The following DIAPH3 variants were observed in gnomAD, a reference collection of about 807,000 sequenced individuals.
The protein encoded by DIAPH3 is protein diaphanous homolog 3.
Under a neutral mutation model 144.3 loss-of-function variants are expected in DIAPH3, and 117 were observed. That is an observed-to-expected ratio of 0.81 (90% confidence interval 0.70 to 0.95). The LOEUF is 0.95. DIAPH3 is among the 40% of genes least tolerant of loss of function. The pLI, the probability that DIAPH3 is intolerant of heterozygous loss-of-function variation, is 0.00. For synonymous variants in DIAPH3, 519 were observed against 488.9 expected (o/e 1.06, Z -0.81); for missense variants, 1,421 against 1,412.7 (o/e 1.01, Z -0.09).
intron 5 of DIAPH3, among the ~76,000 whole-genome samples, chr13:60,037,297 A>T (rs2055299219): frequency 6.6e-6 from 1 of 152,072 alleles, no homozygotes; most frequent in South Asian, 2.1e-4. Flanking sequence ...AAAATCAAAA[A>T]GAATGATGTG....
chr13:60,105,748 T>C (rs1178483677), intron 3 of DIAPH3, among the ~76,000 whole-genome samples: 1 of 152,126 alleles, frequency 6.6e-6, no homozygotes, highest in Non-Finnish European at 1.5e-5. Context: ...TTGTAAGAAA[T>C]AGAAAATGTT....
At chr13:59,921,058 C>T (rs907968361) in intron 18 of DIAPH3, among the ~76,000 whole-genome samples, 1 of 150,020 alleles carries the variant, frequency 6.7e-6, no homozygotes, top group Admixed American at 6.6e-5. Context: ...AAAAGGGAAA[C>T]ACAACATACC....
At chr13:60,162,297 A>G (rs1952328061) in intron 1 of DIAPH3, among the ~76,000 whole-genome samples, 1 of 152,330 alleles carries the variant, frequency 6.6e-6, no homozygotes, top group East Asian at 1.9e-4. Flanking sequence ...TGAGTCACAG[A>G]AAATAACACC....
At chr13:60,070,577 C>T (rs950386895) in intron 4 of DIAPH3, among the ~76,000 whole-genome samples, 1 of 152,046 alleles carries the variant, frequency 6.6e-6, no homozygotes, top group Non-Finnish European at 1.5e-5. Context: ...GAGAAAATGC[C>T]CTGGCATCGG....
intron 20 of DIAPH3, among the ~76,000 whole-genome samples, chr13:59,899,632 G>A (rs1391988309): frequency 6.6e-6 from 1 of 152,158 alleles, no homozygotes. Flanking sequence ...CAAGAATTCT[G>A]GACTTTCCTC....
chr13:59,712,346 T>C (rs2034794617), intron 27 of DIAPH3, among the ~76,000 whole-genome samples: 1 of 152,194 alleles, frequency 6.6e-6, no homozygotes, highest in East Asian at 1.9e-4. Context: ...GTGGTCCTTT[T>C]CTCAGGAAAC....
In DIAPH3 at chr13:59,843,976, A is replaced by T. The variant is rs186632818; in HGVS notation, c.2738-4528T>A. Among the ~76,000 whole-genome samples the T allele has an allele frequency of 5.1e-4, 77 of 152,266 alleles. 1 individual carries two copies. The highest frequency in any genetic ancestry group is 3.4e-3 in the Middle Eastern group (1 of 294). ...AGTGGCGGGCAGGAGGAGGGAGAGA[A>T]TCAGGAAAAATAGCTAATGCATGGC... On this transcript the variant is annotated intron_variant, in intron 22 of 27. Coordinates refer to ENST00000400324, the MANE Select transcript of DIAPH3 (RefSeq NM_001042517.2).
intron 27 of DIAPH3, among the ~76,000 whole-genome samples, chr13:59,727,440 CTTCT>C (rs2035657882): frequency 1.3e-5 from 2 of 152,178 alleles, no homozygotes; most frequent in Non-Finnish European, 2.9e-5. Context: ...AACATCCATC[CTTCT>C]TTCTCAAAAA....
At chr13:59,683,819 A>G (rs1016267713) in intron 27 of DIAPH3, among the ~76,000 whole-genome samples, 1 of 152,170 alleles carries the variant, frequency 6.6e-6, no homozygotes, top group African/African-American at 2.4e-5. Context: ...AATAAAATGA[A>G]TTCATCATTC....
At chr13:59,839,471 C>T in intron 22 of DIAPH3, 23 bp from the exon 23 acceptor site, 2 of 1,608,718 alleles carry the variant, frequency 1.2e-6, no homozygotes, top group Non-Finnish European at 8.5e-7. Context: ...ATATTAAATG[C>T]CCGGAAAGGA....
chr13:59,674,194 G>A (rs1036543990), intron 27 of DIAPH3, among the ~76,000 whole-genome samples: 1 of 152,166 alleles, frequency 6.6e-6, no homozygotes, highest in Admixed American at 6.5e-5. Flanking sequence ...GCATAATATC[G>A]ATATGATCAT....
chr13:60,030,692 A>G (rs992983819), intron 5 of DIAPH3, among the ~76,000 whole-genome samples: 6 of 152,190 alleles, frequency 3.9e-5, no homozygotes, highest in African/African-American at 1.2e-4. Flanking sequence ...ACAAAGGCTC[A>G]AAACAAGTGC....
intron 27 of DIAPH3, among the ~76,000 whole-genome samples, chr13:59,688,259 A>G (rs971707564): frequency 5.3e-5 from 8 of 152,064 alleles, no homozygotes; most frequent in Admixed American, 3.9e-4. Context: ...CTAGCACAAT[A>G]TTCACCTGCA....
intron 5 of DIAPH3, among the ~76,000 whole-genome samples, chr13:60,021,755 T>C (rs1390976622): frequency 6.7e-6 from 1 of 150,280 alleles, no homozygotes; most frequent in Non-Finnish European, 1.5e-5. Flanking sequence ...AGCCAAAAAA[T>C]GTAGGTGGAC....
chr13:59,877,430 G>A (rs1158326122), intron 21 of DIAPH3, among the ~76,000 whole-genome samples: 1 of 152,070 alleles, frequency 6.6e-6, no homozygotes, highest in Non-Finnish European at 1.5e-5. Context: ...ACCCAGCGCT[G>A]TCCAATAACT....
intron 25 of DIAPH3, among the ~76,000 whole-genome samples, chr13:59,791,993 GA>G (rs2039351702): frequency 6.6e-6 from 1 of 152,122 alleles, no homozygotes; most frequent in Admixed American, 6.5e-5. Flanking sequence ...ATCATTCTTA[GA>G]CAACAGTGTC....
chr13:60,023,640 G>T (rs1224445255), intron 5 of DIAPH3, among the ~76,000 whole-genome samples: 1 of 151,624 alleles, frequency 6.6e-6, no homozygotes, highest in Non-Finnish European at 1.5e-5. Flanking sequence ...CACCATTTTG[G>T]CCAGGCTAGT....
At chr13:59,998,731 A>G (rs2052357070) in intron 9 of DIAPH3, among the ~76,000 whole-genome samples, 1 of 152,102 alleles carries the variant, frequency 6.6e-6, no homozygotes, top group African/African-American at 2.4e-5. Flanking sequence ...TTACTGATCC[A>G]TTTTAATATG....
intron 27 of DIAPH3, among the ~76,000 whole-genome samples, chr13:59,673,262 C>T (rs2032475414): frequency 6.6e-6 from 1 of 152,192 alleles, no homozygotes; most frequent in African/African-American, 2.4e-5. Context: ...CATCTCTCCC[C>T]TCAATTCTTA....
Sources: allele counts gnomAD v4.1 joint callset (sites outside exome capture counted in the v4.1 genomes callset), GRCh38; gene constraint gnomAD v4.1.1; transcripts MANE v1.5; gene names NCBI Gene and HGNC (gene_info 2026-07-23, HGNC 2026-07-21).